The following C19orf38 variants were observed in gnomAD, a reference collection of about 807,000 sequenced individuals.
C19orf38 encodes protein HIDE1.
C19orf38 carries 14 observed loss-of-function variants against 26.6 expected under a neutral mutation model. The observed-to-expected ratio is 0.53, with a 90% CI of 0.35 to 0.82. The LOEUF (loss-of-function observed/expected upper bound fraction) is 0.82. C19orf38 is among the 40% of genes least tolerant of loss of function. The pLI is 0.01. For missense variants in C19orf38, 261 were observed against 299.5 expected (o/e 0.87, Z 0.95); for synonymous variants, 132 against 128.5 (o/e 1.03, Z -0.18).
At chr19:10,846,388 A>G (rs983903544), upstream of C19orf38, among the ~76,000 whole-genome samples, 16 of 151,872 alleles carry the variant, frequency 1.1e-4, no homozygotes, top group African/African-American at 3.9e-4. Flanking sequence ...TTTTTAATAA[A>G]AAGAGTTTAT....
upstream of C19orf38, among the ~76,000 whole-genome samples, chr19:10,844,714 G>A (rs1249262490): frequency 6.6e-6 from 1 of 151,864 alleles, no homozygotes; most frequent in Admixed American, 6.6e-5. Flanking sequence ...CGGGCGTGGT[G>A]GCGGTTGCCT....
intron 2 of C19orf38, among the ~76,000 whole-genome samples, chr19:10,855,030 C>CTTTT (rs33999724): frequency 4.4e-4 from 34 of 77,752 alleles, no homozygotes; most frequent in Non-Finnish European, 5.1e-4. Flanking sequence ...GATATATATT[C>CTTTT]TTTTTTTTTT....
chr19:10,860,534 CAA>C (rs900601654), intron 5 of C19orf38, among the ~76,000 whole-genome samples: 4 of 21,844 alleles, frequency 1.8e-4, no homozygotes, highest in Non-Finnish European at 2.2e-4. Context: ...GACTCCATCT[CAA>C]AAAAAAAAAA....
chr19:10,849,824 G>A (rs1023935727), intron 1 of C19orf38, among the ~76,000 whole-genome samples: 4 of 152,122 alleles, frequency 2.6e-5, no homozygotes, highest in African/African-American at 9.7e-5. Context: ...AGCACTTTGG[G>A]AGGCCGAGGT....
intron 2 of C19orf38, among the ~76,000 whole-genome samples, chr19:10,852,135 G>C (rs952796753): frequency 6.6e-6 from 1 of 151,696 alleles, no homozygotes; most frequent in Non-Finnish European, 1.5e-5. Context: ...ATGGGTGACA[G>C]AGCAAGATTC....
At chr19:10,861,690 G>A (rs1235471275) in intron 5 of C19orf38, among the ~76,000 whole-genome samples, 3 of 151,916 alleles carry the variant, frequency 2.0e-5, no homozygotes, top group African/African-American at 7.3e-5. Context: ...TGATTCTCCT[G>A]CCCCAGCCTC....
intron 5 of C19orf38, among the ~76,000 whole-genome samples, chr19:10,861,237 T>C (rs1286775638): frequency 6.6e-6 from 1 of 152,226 alleles, no homozygotes; most frequent in East Asian, 1.9e-4. Flanking sequence ...GCCAGCTCCA[T>C]GGGGAAAGGA....
chr19:10,842,553 C>T (rs1481699904), intron 1 of C19orf38, among the ~76,000 whole-genome samples: 1 of 152,008 alleles, frequency 6.6e-6, no homozygotes, highest in Non-Finnish European at 1.5e-5. Flanking sequence ...AGCCACTGCG[C>T]CTGGCTAAAA....
chr19:10,842,332 C>A, intron 1 of C19orf38: 1 of 633,916 alleles, frequency 1.6e-6, no homozygotes, highest in Admixed American at 2.6e-5. Flanking sequence ...GCGACCTTGG[C>A]TCACTGCAAG....
chr19:10,851,523 T>C (rs1453392812), intron 2 of C19orf38, among the ~76,000 whole-genome samples: 1 of 152,100 alleles, frequency 6.6e-6, no homozygotes, highest in Non-Finnish European at 1.5e-5. Flanking sequence ...AAAATTATTT[T>C]AGAGATGAGG....
intron 1 of C19orf38, 118 bp downstream of exon 1, chr19:10,848,657 G>C: frequency 1.0e-6 from 1 of 969,662 alleles, no homozygotes; most frequent in Non-Finnish European, 1.6e-6. Context: ...CATCGAGGAG[G>C]CTGAGCCCTT....
rs2073746697 is a variant in C19orf38 at position 10,865,917 on chromosome 19, A to G, written c.543+2710A>G. Among the ~76,000 whole-genome samples, 3 of 151,968 alleles carry G rather than the reference A, an allele frequency of 2.0e-5. No homozygotes were observed. In the South Asian group the frequency reaches 6.2e-4, roughly 32 times the overall value. On this transcript the variant is annotated intron_variant, in intron 6 of 6. Coordinates refer to ENST00000397820, the MANE Select transcript of C19orf38 (RefSeq NM_001136482.3). The stretch of plus-strand genomic sequence containing the variant: ...AGCCTTGATCACCTGGGCTCAAAAG[A>G]TCCTCCAGCCTCAGCCTCCCGAGTA...
At chr19:10,842,428 T>G (rs1189225172) in intron 1 of C19orf38, among the ~76,000 whole-genome samples, 1 of 151,948 alleles carries the variant, frequency 6.6e-6, no homozygotes, top group African/African-American at 2.4e-5. Flanking sequence ...GCCTGGCTAA[T>G]TTTTTGTATT....
At position 10,857,366 on chromosome 19, in the gene C19orf38, A is replaced by ATATATATTT. The variant is rs1433358051; in HGVS notation, c.434-949_434-948insATATATTTT. On this transcript the variant is annotated intron_variant, in intron 3 of 6. Coordinates refer to ENST00000397820, the MANE Select transcript of C19orf38 (RefSeq NM_001136482.3). ...TATATATATATATATATATATATAT[A>ATATATATTT]TTTTTTTTTTTTTTTTTTTAAGATG... is the stretch of plus-strand genomic sequence containing the variant. 2.7e-3 allele frequency among the ~76,000 whole-genome samples: 151 copies of ATATATATTT among 56,076 alleles called. 2 individuals are homozygous for ATATATATTT. The highest frequency in any genetic ancestry group is 4.1e-3 in the African/African-American group (24 of 5,822). The allele number at this position is 56,076 out of a possible 152,430, so 36.8% of individuals were successfully genotyped here.
upstream of C19orf38, among the ~76,000 whole-genome samples, chr19:10,845,351 T>C (rs2073508843): frequency 6.6e-6 from 1 of 152,144 alleles, no homozygotes; most frequent in Non-Finnish European, 1.5e-5. Flanking sequence ...CATTTCAAAG[T>C]ATTGAAATTA....
chr19:10,860,530 A>G, intron 5 of C19orf38, among the ~76,000 whole-genome samples: 1 of 94,366 alleles, frequency 1.1e-5, no homozygotes, highest in Non-Finnish European at 2.0e-5. Flanking sequence ...GCCAGACTCC[A>G]TCTCAAAAAA....
In C19orf38 at chr19:10,857,366, A is replaced by ATATTTTT. The variant is rs1433358051; in HGVS notation, c.434-949_434-948insATTTTTT. 6.4e-3 allele frequency among the ~76,000 whole-genome samples: 358 copies of ATATTTTT among 56,062 alleles called. 6 individuals carry two copies. Among genetic ancestry groups the ATATTTTT allele is most frequent in the African/African-American group, 0.013 (78 of 5,820 alleles). 36.8% of individuals were successfully genotyped at this position (56,062 alleles called of 152,430 possible). On this transcript the variant is annotated intron_variant, in intron 3 of 6. Transcript: ENST00000397820. Reference sequence around the variant, plus strand: ...TATATATATATATATATATATATATATTTTTTTTTTTTTTTTTTTAAGATG... The same window carrying ATATTTTT: ...TATATATATATATATATATATATATATATTTTTTTTTTTTTTTTTTTTTTTTAAGATG...
intron 6 of C19orf38, among the ~76,000 whole-genome samples, chr19:10,867,292 C>G (rs2073761420): frequency 6.6e-6 from 1 of 151,834 alleles, no homozygotes; most frequent in African/African-American, 2.4e-5. Context: ...TTCATTCATG[C>G]CATACGTAGC....
intron 1 of C19orf38, among the ~76,000 whole-genome samples, chr19:10,840,638 C>G (rs1020542530): frequency 3.9e-5 from 6 of 152,248 alleles, no homozygotes; most frequent in Non-Finnish European, 8.8e-5. Context: ...TCTGCCTCAG[C>G]CTCCTGAGTA....
Sources: allele counts gnomAD v4.1 joint callset (sites outside exome capture counted in the v4.1 genomes callset), GRCh38; gene constraint gnomAD v4.1.1; transcripts MANE v1.5; gene names NCBI Gene and HGNC (gene_info 2026-07-23, HGNC 2026-07-21).